The following SPAG16 variants were observed in gnomAD, a reference collection of about 807,000 sequenced individuals.
SPAG16 encodes sperm associated antigen 16.
In SPAG16, 86 loss-of-function variants were observed where a neutral mutation model predicts 80.4. That is an observed-to-expected ratio of 1.07 (90% confidence interval 0.90 to 1.28). The LOEUF is 1.28. Ranked by LOEUF, SPAG16 falls within the 50% of genes most tolerant of loss-of-function variation. SPAG16 has a pLI of 0.00. For missense variants in SPAG16, 870 were observed against 765.3 expected (o/e 1.14, Z -1.61); for synonymous variants, 294 against 265.9 (o/e 1.11, Z -1.03).
intron 10 of SPAG16, among the ~76,000 whole-genome samples, chr2:213,776,895 C>T (rs1404776096): frequency 2.4e-5 from 3 of 126,794 alleles, no homozygotes; most frequent in East Asian, 2.5e-4. Flanking sequence ...ATAAGATTAA[C>T]ATAATTTTAG....
At chr2:213,955,661 G>A (rs1198781086) in intron 12 of SPAG16, among the ~76,000 whole-genome samples, 2 of 151,862 alleles carry the variant, frequency 1.3e-5, no homozygotes, top group Non-Finnish European at 2.9e-5. Flanking sequence ...GGATCTCTTG[G>A]ATTTCTGTAT....
intron 10 of SPAG16, among the ~76,000 whole-genome samples, chr2:213,544,579 A>G (rs1055735402): frequency 3.9e-5 from 6 of 152,044 alleles, no homozygotes; most frequent in African/African-American, 7.2e-5. Context: ...CATATATTCT[A>G]TGGGTTTGGA....
At chr2:213,291,955 C>A (rs72935129) in intron 1 of SPAG16, among the ~76,000 whole-genome samples, 32,747 of 152,064 alleles carry the variant, frequency 0.22, 4,385 homozygotes, top group Non-Finnish European at 0.31. Context: ...GTTATGTACT[C>A]TCTTAATCTT....
rs974757311 is a variant in SPAG16 at position 214,264,299 on chromosome 2, T to C, written c.1720+115033T>C. Among the ~76,000 whole-genome samples the C allele has an allele frequency of 3.9e-5, 6 of 152,338 alleles. No individual in the cohort carries two copies. In the East Asian group the frequency reaches 9.6e-4, roughly 24 times the overall value. ...TGTGGACTCTAAGTGCTGTCACGAC[T>C]GCATCTGCCTCTTGGACTTCATCTT... On this transcript the variant is annotated intron_variant, in intron 15 of 15. Transcript: ENST00000331683.
intron 13 of SPAG16, among the ~76,000 whole-genome samples, chr2:214,071,066 C>G (rs1409895210): frequency 6.6e-6 from 1 of 152,090 alleles, no homozygotes; most frequent in Non-Finnish European, 1.5e-5. Flanking sequence ...GTACTGGAAA[C>G]TAGGAAAGGA....
At chr2:213,974,017 T>G (rs899401017) in intron 12 of SPAG16, among the ~76,000 whole-genome samples, 1 of 152,090 alleles carries the variant, frequency 6.6e-6, no homozygotes, top group South Asian at 2.1e-4. Flanking sequence ...AAAAGATTAA[T>G]AAGGATAACT....
At chr2:213,742,693 A>G (rs2067621253) in intron 10 of SPAG16, among the ~76,000 whole-genome samples, 1 of 150,954 alleles carries the variant, frequency 6.6e-6, no homozygotes, top group Non-Finnish European at 1.5e-5. Context: ...CTGGGATTAC[A>G]GGCGCCCACC....
At chr2:214,108,146 T>G in intron 13 of SPAG16, 50 bp from the exon 14 acceptor site, 1 of 1,417,874 alleles carries the variant, frequency 7.1e-7, no homozygotes, top group Non-Finnish European at 9.7e-7. Flanking sequence ...AATTCCTTTT[T>G]ACGTTCCAAA....
rs796491094 is a variant in SPAG16 at position 213,448,173 on chromosome 2, G to A, written c.943-41790G>A. ...CAGTCTGTTATTTGGCTTGGAGATCGGCTAATGAGTCTCGAACATCGCATG... is the reference window on the plus strand; with the variant it reads ...CAGTCTGTTATTTGGCTTGGAGATCAGCTAATGAGTCTCGAACATCGCATG... On this transcript the variant is annotated intron_variant, in intron 9 of 15. Coordinates refer to ENST00000331683, the MANE Select transcript of SPAG16 (RefSeq NM_024532.5). Among the ~76,000 whole-genome samples, 14 of 152,320 alleles carry A rather than the reference G, an allele frequency of 9.2e-5. No individual in the cohort carries two copies. In the South Asian group the frequency reaches 1.5e-3, roughly 16 times the overall value.
chr2:213,742,974 A>T (rs1968345), intron 10 of SPAG16, among the ~76,000 whole-genome samples: 13 of 151,886 alleles, frequency 8.6e-5, no homozygotes, highest in Non-Finnish European at 1.8e-4. Flanking sequence ...TGAGATCTCC[A>T]CTCACTGCGA....
chr2:213,968,103 T>C (rs564439783), intron 12 of SPAG16, among the ~76,000 whole-genome samples: 1 of 151,694 alleles, frequency 6.6e-6, no homozygotes, highest in South Asian at 2.1e-4. Flanking sequence ...TTCTTTTTTC[T>C]TTTCTTTTCC....
intron 10 of SPAG16, among the ~76,000 whole-genome samples, chr2:213,670,616 A>C (rs1340544183): frequency 6.6e-6 from 1 of 152,110 alleles, no homozygotes; most frequent in African/African-American, 2.4e-5. Context: ...GTCTTAGGAA[A>C]AATAAAAGAT....
chr2:214,137,072 ATTTC>A (rs2125520455), intron 14 of SPAG16, among the ~76,000 whole-genome samples: 1 of 152,260 alleles, frequency 6.6e-6, no homozygotes, highest in South Asian at 2.1e-4. Flanking sequence ...TGATTTCATT[ATTTC>A]TTTATTCAAA....
intron 10 of SPAG16, among the ~76,000 whole-genome samples, chr2:213,628,823 T>C (rs2062045668): frequency 6.6e-6 from 1 of 152,194 alleles, no homozygotes; most frequent in Non-Finnish European, 1.5e-5. Context: ...ATAAGGAAAC[T>C]GAAATTACCT....
In SPAG16 at chr2:213,930,030, A is replaced by C. The variant is rs750419910; in HGVS notation, c.1285A>C (p.Ile429Leu). The C allele has an allele frequency of 1.2e-6, 2 of 1,614,144 alleles. No homozygotes were observed. Among genetic ancestry groups the C allele is most frequent in the South Asian group, 2.2e-5 (2 of 91,078 alleles). ...KLWDLCKGDC[I>L]LTFEGHSRAV... ...ATGGGATCTATGTAAAGGCGATTGC[A>C]TTTTGACCTTTGAAGGACACAGCCG... Residue 429 changes from isoleucine (I) to leucine (L), a missense_variant, in exon 12 of 16, where the codon ATT becomes CTT. Coordinates refer to ENST00000331683, the MANE Select transcript of SPAG16 (RefSeq NM_024532.5).
At position 213,653,024 on chromosome 2, in the gene SPAG16, A is replaced by G. The variant is rs538625947; in HGVS notation, c.1070+162934A>G. ...CCTGGGCCATCTTTTGACAACTTCTATGGTTCACTGCCCGGCATCTTCTAT... is the reference window on the plus strand; with the variant it reads ...CCTGGGCCATCTTTTGACAACTTCTGTGGTTCACTGCCCGGCATCTTCTAT... On this transcript the variant is annotated intron_variant, in intron 10 of 15. Transcript: ENST00000331683. Among the ~76,000 whole-genome samples the G allele has an allele frequency of 1.1e-3, 168 of 152,114 alleles. 1 individual carries two copies. Among genetic ancestry groups the G allele is most frequent in the Non-Finnish European group, 9.1e-4 (62 of 67,974 alleles).
intron 10 of SPAG16, among the ~76,000 whole-genome samples, chr2:213,826,549 T>G (rs539753997): frequency 7.6e-4 from 115 of 152,146 alleles, no homozygotes; most frequent in Non-Finnish European, 9.6e-4. Context: ...TTGTATAGTT[T>G]CCAATATTCT....
intron 3 of SPAG16, among the ~76,000 whole-genome samples, chr2:213,307,186 TTG>T (rs796706955): frequency 1.5e-4 from 23 of 152,196 alleles, no homozygotes; most frequent in African/African-American, 5.5e-4. Flanking sequence ...GTGTTGAATT[TTG>T]TTTTTTTTTA....
intron 10 of SPAG16, among the ~76,000 whole-genome samples, chr2:213,544,691 C>G (rs1167790674): frequency 6.6e-6 from 1 of 152,078 alleles, no homozygotes; most frequent in Non-Finnish European, 1.5e-5. Flanking sequence ...GCTCCCCCCT[C>G]GTACCCCTGG....
Sources: allele counts gnomAD v4.1 joint callset (sites outside exome capture counted in the v4.1 genomes callset), GRCh38; gene constraint gnomAD v4.1.1; transcripts MANE v1.5; gene names NCBI Gene and HGNC (gene_info 2026-07-23, HGNC 2026-07-21).